The following PRKG1 variants were observed in gnomAD, a reference collection of about 807,000 sequenced individuals.
The protein encoded by PRKG1 is protein kinase cGMP-dependent 1.
In PRKG1, 35 loss-of-function variants were observed where a neutral mutation model predicts 88.1. The observed-to-expected ratio is 0.40, with a 90% CI of 0.30 to 0.53. The LOEUF (loss-of-function observed/expected upper bound fraction) is 0.53. PRKG1 is among the 20% of genes least tolerant of loss of function. The pLI, the probability that PRKG1 is intolerant of heterozygous loss-of-function variation, is 0.59. For missense variants in PRKG1, 540 were observed against 839.8 expected (o/e 0.64, Z 4.41); for synonymous variants, 303 against 292.5 (o/e 1.04, Z -0.37).
intron 5 of PRKG1, among the ~76,000 whole-genome samples, chr10:52,016,437 C>T (rs1285072164): frequency 6.6e-6 from 1 of 152,182 alleles, no homozygotes. Flanking sequence ...TCACCTCCCA[C>T]CAGATCACTC....
At chr10:51,390,172 A>C (rs1257512139) in intron 2 of PRKG1, among the ~76,000 whole-genome samples, 1 of 152,218 alleles carries the variant, frequency 6.6e-6, no homozygotes, top group Non-Finnish European at 1.5e-5. Flanking sequence ...ACACATCCAA[A>C]GTGCAAAACT....
At position 51,668,108 on chromosome 10, in the gene PRKG1, G is replaced by C. The variant is rs192014763; in HGVS notation, c.593-136477G>C. ...GTAACTATTGGGAGAGAAGAACATT[G>C]TGCCTACAGTTAGTGAGCTGGAGCT... On this transcript the variant is annotated intron_variant, in intron 3 of 17. Coordinates refer to ENST00000373980, the MANE Select transcript of PRKG1 (RefSeq NM_006258.4). Among the ~76,000 whole-genome samples, 761 of 152,246 alleles carry C rather than the reference G, an allele frequency of 5.0e-3. 4 individuals are homozygous for C. Among genetic ancestry groups the C allele is most frequent in the African/African-American group, 0.011 (442 of 41,544 alleles).
At chr10:51,135,290 T>A (rs2131944021) in intron 1 of PRKG1, among the ~76,000 whole-genome samples, 1 of 152,260 alleles carries the variant, frequency 6.6e-6, no homozygotes. Context: ...GCAGAGAGAA[T>A]AACTTATTTG....
intron 8 of PRKG1, among the ~76,000 whole-genome samples, chr10:52,159,585 G>T (rs1838225886): frequency 6.6e-6 from 1 of 151,610 alleles, no homozygotes; most frequent in Non-Finnish European, 1.5e-5. Flanking sequence ...GAATTTCAAA[G>T]TGTATTTTCA....
intron 2 of PRKG1, among the ~76,000 whole-genome samples, chr10:51,413,150 C>T (rs557886967): frequency 6.6e-6 from 1 of 152,278 alleles, no homozygotes; most frequent in South Asian, 2.1e-4. Flanking sequence ...TGCTATTTCC[C>T]ATTCCAAACT....
At chr10:51,600,192 T>C (rs12251972) in intron 3 of PRKG1, among the ~76,000 whole-genome samples, 11,587 of 152,244 alleles carry the variant, frequency 0.076, 1,478 homozygotes, top group African/African-American at 0.26. Flanking sequence ...TCTCTTCCTG[T>C]TTCCAAGTAT....
In PRKG1 at chr10:52,282,334, G is replaced by A. The variant is rs765097571; in HGVS notation, c.1709+18G>A. On this transcript the variant is annotated intron_variant, in intron 14 of 17. Transcript: ENST00000373980. ...ACTGGCAGGTATGGATATTGATAGG[G>A]AACTGCTGATAAAAATAGACCAGCA... is the stretch of plus-strand genomic sequence containing the variant. The A allele has an allele frequency of 1.9e-6, 3 of 1,565,778 alleles. No individual in the cohort carries two copies. Among genetic ancestry groups the A allele is most frequent in the Non-Finnish European group, 2.6e-6 (3 of 1,152,148 alleles).
intron 2 of PRKG1, among the ~76,000 whole-genome samples, chr10:51,199,464 T>G (rs1837855586): frequency 6.6e-6 from 1 of 152,074 alleles, no homozygotes; most frequent in African/African-American, 2.4e-5. Flanking sequence ...AAATTCAGAG[T>G]CTGGAAAAGG....
chr10:51,275,788 G>C (rs888692607), intron 2 of PRKG1, among the ~76,000 whole-genome samples: 5 of 151,980 alleles, frequency 3.3e-5, no homozygotes, highest in Admixed American at 6.6e-5. Flanking sequence ...TAGGCAAGAC[G>C]TTACTCTATC....
intron 2 of PRKG1, among the ~76,000 whole-genome samples, chr10:51,350,769 C>A (rs985199141): frequency 1.3e-5 from 2 of 152,170 alleles, no homozygotes; most frequent in Non-Finnish European, 2.9e-5. Context: ...AGTAGCATTT[C>A]TTTTTCTTTA....
intron 1 of PRKG1, among the ~76,000 whole-genome samples, chr10:51,034,668 TTATATATATA>T (rs1554831108): frequency 1.5e-4 from 10 of 68,188 alleles, no homozygotes; most frequent in African/African-American, 2.7e-4. Context: ...AATATGTTAT[TTATATATATA>T]TATATATATA....
chr10:51,084,731 C>A (rs1483755908), intron 1 of PRKG1, among the ~76,000 whole-genome samples: 2 of 152,090 alleles, frequency 1.3e-5, no homozygotes, highest in South Asian at 2.1e-4. Flanking sequence ...CACTTTTAGA[C>A]CCTACCTACT....
intron 4 of PRKG1, among the ~76,000 whole-genome samples, chr10:51,895,030 T>C (rs1169493916): frequency 6.6e-6 from 1 of 152,186 alleles, no homozygotes; most frequent in Admixed American, 6.5e-5. Context: ...ATGAGAATTA[T>C]AGGGATAATA....
intron 4 of PRKG1, among the ~76,000 whole-genome samples, chr10:51,858,042 G>A (rs1032453734): frequency 9.1e-5 from 12 of 131,838 alleles, no homozygotes; most frequent in Non-Finnish European, 9.4e-5. Flanking sequence ...AGATTTAATG[G>A]CATAAAAGGA....
chr10:51,989,921 T>C (rs1393932619), intron 5 of PRKG1, among the ~76,000 whole-genome samples: 2 of 152,178 alleles, frequency 1.3e-5, no homozygotes, highest in Non-Finnish European at 2.9e-5. Flanking sequence ...AGTTTTCTTA[T>C]AATAGTTTTA....
intron 2 of PRKG1, among the ~76,000 whole-genome samples, chr10:51,163,791 T>A (rs1846440285): frequency 6.6e-6 from 1 of 152,198 alleles, no homozygotes; most frequent in African/African-American, 2.4e-5. Context: ...TCTCGCTGAT[T>A]GCTAGCACAG....
In PRKG1 at chr10:51,691,189, C is replaced by CA. The variant is rs924964916; in HGVS notation, c.593-113386dup. 4.3e-3 allele frequency among the ~76,000 whole-genome samples: 626 copies of CA among 145,236 alleles called. 3 individuals are homozygous for CA. The highest frequency in any genetic ancestry group is 0.013 in the African/African-American group (502 of 39,824). On this transcript the variant is annotated intron_variant, in intron 3 of 17. Transcript: ENST00000373980. ...GCTCAGTATAGCTCATCAAAATCCA[C>CA]AAAAAAAAAATGCATCAAGATTTTT...
intron 2 of PRKG1, among the ~76,000 whole-genome samples, chr10:51,370,632 A>G (rs1206931269): frequency 6.6e-6 from 1 of 152,046 alleles, no homozygotes; most frequent in Non-Finnish European, 1.5e-5. Context: ...AATGTGAACC[A>G]TAAATGTAAT....
intron 2 of PRKG1, among the ~76,000 whole-genome samples, chr10:51,424,384 G>A (rs1312689008): frequency 6.6e-6 from 1 of 151,890 alleles, no homozygotes; most frequent in Non-Finnish European, 1.5e-5. Flanking sequence ...TTCTAAAGCA[G>A]TAATTTGAAA....
Sources: allele counts gnomAD v4.1 joint callset (sites outside exome capture counted in the v4.1 genomes callset), GRCh38; gene constraint gnomAD v4.1.1; transcripts MANE v1.5; gene names NCBI Gene and HGNC (gene_info 2026-07-23, HGNC 2026-07-21).